The following ADARB2 variants were observed in gnomAD, a reference collection of about 807,000 sequenced individuals.
ADARB2 encodes inactive double-stranded RNA-specific editase B2.
ADARB2 carries 25 observed loss-of-function variants against 62.2 expected under a neutral mutation model. The ratio of observed to expected loss-of-function variants is 0.40; its 90% confidence interval spans 0.29 to 0.56. ADARB2 has a LOEUF of 0.56. Among genes scored for constraint, ADARB2 ranks in the 20% least tolerant of loss-of-function variants. The pLI is 0.43. For synonymous variants in ADARB2, 572 were observed against 500.8 expected, an observed-to-expected ratio of 1.14 and a Z score of -1.90; for missense variants, 1,071 against 1,077.4, an observed-to-expected ratio of 0.99 and a Z score of 0.08.
At chr10:1,442,104 G>A (rs780836652) in intron 1 of ADARB2, among the ~76,000 whole-genome samples, 3 of 152,068 alleles carry the variant, frequency 2.0e-5, no homozygotes, top group South Asian at 4.1e-4. Context: ...GGTATATTAC[G>A]CTAATAAAAT....
intron 6 of ADARB2, among the ~76,000 whole-genome samples, chr10:1,228,881 A>C (rs1051528381): frequency 6.6e-6 from 1 of 152,222 alleles, no homozygotes; most frequent in African/African-American, 2.4e-5. Flanking sequence ...GCAAGGAAAC[A>C]AATGCCCAGT....
intron 1 of ADARB2, among the ~76,000 whole-genome samples, chr10:1,421,773 C>A (rs1013152555): frequency 6.6e-6 from 1 of 152,208 alleles, no homozygotes; most frequent in African/African-American, 2.4e-5. Flanking sequence ...GGGCAGGGAA[C>A]ATGTTGACAG....
intron 1 of ADARB2, among the ~76,000 whole-genome samples, chr10:1,670,842 G>A (rs1015520958): frequency 6.6e-6 from 1 of 152,164 alleles, no homozygotes; most frequent in East Asian, 1.9e-4. Context: ...CAGGTGATTA[G>A]GACGTCTGCG....
chr10:1,713,950 G>A (rs983275748), intron 1 of ADARB2, among the ~76,000 whole-genome samples: 3 of 152,206 alleles, frequency 2.0e-5, no homozygotes, highest in Non-Finnish European at 2.9e-5. Flanking sequence ...GCTTCCTGGA[G>A]CTCTGAGGGC....
intron 1 of ADARB2, among the ~76,000 whole-genome samples, chr10:1,554,357 G>C (rs10732913): frequency 0.9 from 137,280 of 152,180 alleles, 62,701 homozygotes; most frequent in East Asian, 1. Context: ...TTTAAACGCA[G>C]AGAGTCATTT....
intron 7 of ADARB2, among the ~76,000 whole-genome samples, chr10:1,210,309 A>G (rs769614697): frequency 6.6e-6 from 1 of 152,248 alleles, no homozygotes; most frequent in African/African-American, 2.4e-5. Context: ...TCGGAGATCA[A>G]AAGCCAGCCA....
At chr10:1,486,667 G>A (rs948339896) in intron 1 of ADARB2, among the ~76,000 whole-genome samples, 3 of 152,102 alleles carry the variant, frequency 2.0e-5, no homozygotes, top group South Asian at 2.1e-4. Context: ...AAAAAGCAGG[G>A]GTGCAAAAGA....
intron 1 of ADARB2, among the ~76,000 whole-genome samples, chr10:1,440,420 G>T (rs546125164): frequency 7.8e-6 from 1 of 127,944 alleles, no homozygotes. Flanking sequence ...TGCTACAAAC[G>T]CCTTTTTTTT....
intron 7 of ADARB2, chr10:1,216,708 G>T: frequency 1.8e-6 from 1 of 565,870 alleles, no homozygotes; most frequent in Non-Finnish European, 3.1e-6. Context: ...GGGGCTGTTT[G>T]CCTCTGCAGC....
chr10:1,435,129 C>A (rs1019610590), intron 1 of ADARB2, among the ~76,000 whole-genome samples: 1 of 152,222 alleles, frequency 6.6e-6, no homozygotes, highest in East Asian at 1.9e-4. Context: ...CACCCTGGCC[C>A]GAGGCCGGCT....
chr10:1,205,089 C>T (rs78074456), intron 7 of ADARB2, among the ~76,000 whole-genome samples: 2,919 of 152,270 alleles, frequency 0.019, 34 homozygotes, highest in Non-Finnish European at 0.032. Context: ...GGCCGCCATT[C>T]TGCAGAGACT....
intron 1 of ADARB2, among the ~76,000 whole-genome samples, chr10:1,557,283 G>C (rs1263812143): frequency 6.6e-6 from 1 of 152,006 alleles, no homozygotes; most frequent in Non-Finnish European, 1.5e-5. Flanking sequence ...GCTCCTGCCT[G>C]TCCCTCCTCT....
At chr10:1,205,353 C>T (rs1379106500) in intron 7 of ADARB2, among the ~76,000 whole-genome samples, 21 of 104,022 alleles carry the variant, frequency 2.0e-4, no homozygotes, top group Admixed American at 9.0e-4. Flanking sequence ...CACTGGAGCC[C>T]GTGGCACAGC....
At chr10:1,474,780 A>G (rs1831376576) in intron 1 of ADARB2, among the ~76,000 whole-genome samples, 1 of 152,056 alleles carries the variant, frequency 6.6e-6, no homozygotes, top group Admixed American at 6.5e-5. Flanking sequence ...GGGAGATGAG[A>G]TTTACGTGTG....
At chr10:1,706,377 G>C (rs1834890282) in intron 1 of ADARB2, among the ~76,000 whole-genome samples, 1 of 152,184 alleles carries the variant, frequency 6.6e-6, no homozygotes, top group African/African-American at 2.4e-5. Flanking sequence ...GAGTAGAAGA[G>C]GTGAGCACCC....
chr10:1,685,976 C>G (rs777950167), intron 1 of ADARB2, among the ~76,000 whole-genome samples: 31 of 152,244 alleles, frequency 2.0e-4, no homozygotes, highest in Admixed American at 3.3e-4. Flanking sequence ...CTCCCACACC[C>G]ACTCCAGTGG....
intron 1 of ADARB2, among the ~76,000 whole-genome samples, chr10:1,509,130 T>TC (rs1205631941): frequency 2.6e-5 from 4 of 152,186 alleles, no homozygotes; most frequent in Non-Finnish European, 5.9e-5. Context: ...TGCCATGCCC[T>TC]CGGTGATTAG....
At chr10:1,554,495 C>T (rs372512452) in intron 1 of ADARB2, among the ~76,000 whole-genome samples, 87 of 152,286 alleles carry the variant, frequency 5.7e-4, no homozygotes, top group African/African-American at 1.9e-3. Context: ...TGTCCCCCAG[C>T]CAGCATCCCC....
At chr10:1,682,242 G>A (rs1588350995) in intron 1 of ADARB2, among the ~76,000 whole-genome samples, 1 of 152,328 alleles carries the variant, frequency 6.6e-6, no homozygotes, top group Admixed American at 6.5e-5. Flanking sequence ...AGAGGCCTCA[G>A]CACGAAGCCA....
Sources: allele counts gnomAD v4.1 joint callset (sites outside exome capture counted in the v4.1 genomes callset), GRCh38; gene constraint gnomAD v4.1.1; transcripts MANE v1.5; gene names NCBI Gene and HGNC (gene_info 2026-07-23, HGNC 2026-07-21).